GLRA2: variants seen among roughly 807,000 people sequenced by gnomAD.
GLRA2 encodes the protein glycine receptor alpha 2.
Under a neutral mutation model 31.6 loss-of-function variants are expected in GLRA2, and 11 were observed. The observed-to-expected ratio is 0.35, with a 90% CI of 0.22 to 0.58. The LOEUF (loss-of-function observed/expected upper bound fraction) is 0.58. Ranked by LOEUF, GLRA2 falls within the 20% of genes least tolerant of loss-of-function variation. The pLI is 0.84. For missense variants in GLRA2, 212 were observed against 351.8 expected, an observed-to-expected ratio of 0.60 and a Z score of 3.18; for synonymous variants, 132 against 134.0, an observed-to-expected ratio of 0.99 and a Z score of 0.10.
At chrX:14,584,040 G>C (rs771113375) in intron 4 of GLRA2, among the ~76,000 whole-genome samples, 21 of 111,013 alleles carry the variant, frequency 1.9e-4, no homozygotes, top group Non-Finnish European at 3.8e-4. Flanking sequence ...CAGACACTGG[G>C]ACCTACTTGA....
At chrX:14,678,493 C>G (rs2091166945) in intron 7 of GLRA2, among the ~76,000 whole-genome samples, 3 of 110,741 alleles carry the variant, frequency 2.7e-5, no homozygotes, top group Admixed American at 9.6e-5. Flanking sequence ...CCCAGGATTG[C>G]TTTACAGAGA....
At chrX:14,650,515 G>T (rs935774607) in intron 7 of GLRA2, among the ~76,000 whole-genome samples, 1 of 111,012 alleles carries the variant, frequency 9.0e-6, no homozygotes, top group African/African-American at 3.3e-5. Flanking sequence ...TAGTGTCAGA[G>T]AGAGCTTCCA....
intron 4 of GLRA2, among the ~76,000 whole-genome samples, chrX:14,583,556 G>C (rs2090047928): frequency 9.0e-6 from 1 of 111,603 alleles, no homozygotes. Flanking sequence ...GGCCAATATG[G>C]TGAAACCCCG....
chrX:14,471,140 C>G, the GLRA2 span, among the ~76,000 whole-genome samples: 1 of 111,560 alleles, frequency 9.0e-6, no homozygotes, highest in African/African-American at 3.3e-5. Flanking sequence ...TAATTGATGC[C>G]AAGTATGTGT....
intron 7 of GLRA2, among the ~76,000 whole-genome samples, chrX:14,655,618 T>C (rs942946852): frequency 8.9e-6 from 1 of 111,913 alleles, no homozygotes; most frequent in African/African-American, 3.3e-5. Flanking sequence ...AAATGTGAAG[T>C]TGGCTCCTGC....
At chrX:14,569,089 T>A (rs948204685) in intron 2 of GLRA2, among the ~76,000 whole-genome samples, 2 of 110,904 alleles carry the variant, frequency 1.8e-5, no homozygotes, top group Admixed American at 1.9e-4. Context: ...ACCCTGCCCC[T>A]ACTAAAAATA....
At chrX:14,709,345 T>A (rs977357682) in intron 8 of GLRA2, among the ~76,000 whole-genome samples, 1 of 112,030 alleles carries the variant, frequency 8.9e-6, no homozygotes, top group African/African-American at 3.3e-5. Context: ...AACAATTAGA[T>A]CAACAGATAC....
chrX:14,482,069 A>G, the GLRA2 span, among the ~76,000 whole-genome samples: 1 of 112,346 alleles, frequency 8.9e-6, no homozygotes, highest in South Asian at 3.6e-4. Context: ...TTAAATCCTA[A>G]TTGGTGTTTT....
chrX:14,557,102 C>CTTTTT lies in GLRA2; in HGVS notation c.203-17204_203-17200dup, dbSNP rs58282642. ...TGCCATGTCTTCACCTAAAGTATTTCTTTTTTTTTTTTTTTTTTTTTTTTT... is the reference window on the plus strand; with the variant it reads ...TGCCATGTCTTCACCTAAAGTATTTCTTTTTTTTTTTTTTTTTTTTTTTTTTTTTT... On this transcript the variant is annotated intron_variant, in intron 2 of 8. Coordinates refer to ENST00000218075, the MANE Select transcript of GLRA2 (RefSeq NM_002063.4). 1.4e-3 allele frequency among the ~76,000 whole-genome samples: 64 copies of CTTTTT among 46,352 alleles called. 4 individuals are homozygous for CTTTTT. Among genetic ancestry groups the CTTTTT allele is most frequent in the African/African-American group, 3.9e-3 (41 of 10,474 alleles). 40.3% of individuals were successfully genotyped at this position (46,352 alleles called of 115,157 possible). A position where few individuals can be genotyped will look rare whatever the true frequency, so the allele number is the denominator to read the frequency against.
In GLRA2 at chrX:14,607,267, T is replaced by C. The variant is rs1601759416; in HGVS notation, c.714T>C (p.Thr238=). Residue 238 remains threonine (T), a splice_region_variant and synonymous_variant, in exon 6 of 9, where the codon ACT becomes ACC. Coordinates refer to ENST00000218075, the MANE Select transcript of GLRA2 (RefSeq NM_002063.4). ...GCTACTGTACAAAGCACTACAACAC[T>C]GGTAAGTTTCTTTTTTTTTTTTTTT... ...ELGYCTKHYN[T]GKFTCIEVKF... 8.9e-7 allele frequency: 1 copy of C among 1,129,164 alleles called. No individual in the cohort carries two copies. Among genetic ancestry groups the C allele is most frequent in the Non-Finnish European group, 1.2e-6 (1 of 853,625 alleles). The allele number at this position is 1,129,164 out of a possible 1,213,427, so 93.1% of individuals were successfully genotyped here. A position where few individuals can be genotyped will look rare whatever the true frequency, so the allele number is the denominator to read the frequency against.
chrX:14,497,277 C>T, the GLRA2 span, among the ~76,000 whole-genome samples: 1 of 111,910 alleles, frequency 8.9e-6, no homozygotes, highest in East Asian at 2.8e-4. Context: ...ACCAGGGCAA[C>T]TTGATGTTAG....
the GLRA2 span, among the ~76,000 whole-genome samples, chrX:14,521,752 T>C: frequency 8.9e-6 from 1 of 112,370 alleles, no homozygotes; most frequent in Non-Finnish European, 1.9e-5. Flanking sequence ...GTCATACAAA[T>C]TTTTTGGTTT....
At chrX:14,567,652 TAAATG>T (rs1253562300) in intron 2 of GLRA2, among the ~76,000 whole-genome samples, 1 of 111,809 alleles carries the variant, frequency 8.9e-6, no homozygotes, top group African/African-American at 3.3e-5. Context: ...ACAAGAAAAA[TAAATG>T]AAAGGCATCC....
At chrX:14,611,288 G>A (rs16979631) in intron 7 of GLRA2, among the ~76,000 whole-genome samples, 2,900 of 112,907 alleles carry the variant, frequency 0.026, 78 homozygotes, top group African/African-American at 0.088. Flanking sequence ...ACAATGCCCC[G>A]TACAGAGTAC....
chrX:14,626,242 A>T (rs1285110646), intron 7 of GLRA2, among the ~76,000 whole-genome samples: 1 of 112,084 alleles, frequency 8.9e-6, no homozygotes, highest in African/African-American at 3.2e-5. Flanking sequence ...ATCAGTAGTC[A>T]ATTCAAATCC....
intron 4 of GLRA2, among the ~76,000 whole-genome samples, chrX:14,589,539 C>T (rs1400469435): frequency 1.6e-4 from 17 of 103,755 alleles, no homozygotes; most frequent in African/African-American, 6.0e-4. Context: ...GGCATGGTGT[C>T]GGGTGCCTGT....
the GLRA2 span, among the ~76,000 whole-genome samples, chrX:14,520,099 C>T: frequency 4.5e-5 from 5 of 112,109 alleles, no homozygotes; most frequent in African/African-American, 1.6e-4. Context: ...TTTCAGCATT[C>T]TCGGAATCCA....
chrX:14,687,162 C>T (rs896383486), intron 7 of GLRA2, among the ~76,000 whole-genome samples: 1 of 112,242 alleles, frequency 8.9e-6, no homozygotes, highest in Non-Finnish European at 1.9e-5. Context: ...AGAGTTTCTG[C>T]CAAGAGATCT....
the GLRA2 span, among the ~76,000 whole-genome samples, chrX:14,449,591 C>A: frequency 8.9e-6 from 1 of 112,215 alleles, no homozygotes; most frequent in Non-Finnish European, 1.9e-5. Flanking sequence ...TCCATGTGCC[C>A]ACTTGCCTGC....
Sources: gnomAD v4.1 joint callset for allele counts (sites outside exome capture counted in the v4.1 genomes callset) on GRCh38, gnomAD v4.1.1 for gene constraint, MANE v1.5 for transcripts, NCBI Gene and HGNC (gene_info 2026-07-23, HGNC 2026-07-21) for gene names.